PHF3: variants seen among roughly 807,000 people sequenced by gnomAD.
PHF3 encodes the protein PHD finger protein 3.
Under a neutral mutation model 178.4 loss-of-function variants are expected in PHF3, and 41 were observed. That is an observed-to-expected ratio of 0.23 (90% CI 0.18 to 0.30). PHF3 has a LOEUF of 0.30. Among genes scored for constraint, PHF3 ranks in the 10% least tolerant of loss-of-function variants. PHF3 has a pLI of 1.00. For missense variants in PHF3, 2,346 were observed against 2,398.1 expected (o/e 0.98, Z 0.45); for synonymous variants, 842 against 800.5 (o/e 1.05, Z -0.88).
intron 6 of PHF3, among the ~76,000 whole-genome samples, chr6:63,696,664 G>T (rs867453440): frequency 1.1e-4 from 16 of 152,192 alleles, no homozygotes; most frequent in African/African-American, 3.9e-4. Flanking sequence ...TACAGCAAAG[G>T]AAACTAATGG....
chr6:63,707,464 A>T (rs2149607644), intron 13 of PHF3, among the ~76,000 whole-genome samples: 1 of 152,350 alleles, frequency 6.6e-6, no homozygotes, highest in South Asian at 2.1e-4. Flanking sequence ...ATTTATGGAA[A>T]ATAAGCAGCA....
At chr6:63,706,923 G>T (rs1767719568) in intron 13 of PHF3, 47 bp downstream of exon 13, 8 of 1,528,042 alleles carry the variant, frequency 5.2e-6, no homozygotes, top group Non-Finnish European at 7.2e-6. Context: ...GATAATGTGT[G>T]TTTCTGAAAG....
intron 2 of PHF3, among the ~76,000 whole-genome samples, chr6:63,668,149 C>T (rs1006076933): frequency 1.3e-5 from 2 of 152,144 alleles, no homozygotes; most frequent in Non-Finnish European, 2.9e-5. Flanking sequence ...TTATTTGCTG[C>T]ATTCTGGTAA....
intron 2 of PHF3, among the ~76,000 whole-genome samples, chr6:63,652,131 G>A (rs1405529697): frequency 6.6e-6 from 1 of 152,068 alleles, no homozygotes; most frequent in Non-Finnish European, 1.5e-5. Flanking sequence ...TTTCCATAAT[G>A]ACAGTACTGA....
chr6:63,667,294 T>A (rs1184619457), intron 2 of PHF3, among the ~76,000 whole-genome samples: 1 of 152,204 alleles, frequency 6.6e-6, no homozygotes. Context: ...TTTAGATACC[T>A]GGTTAAGGAT....
At chr6:63,662,085 G>A (rs1765493128) in intron 2 of PHF3, among the ~76,000 whole-genome samples, 1 of 152,246 alleles carries the variant, frequency 6.6e-6, no homozygotes, top group East Asian at 1.9e-4. Context: ...GCATGTGAGG[G>A]ATCTAGGTTG....
In PHF3 at chr6:63,646,599, A is replaced by C; in HGVS notation, c.48A>C (p.Leu16Phe). The part of the protein sequence containing the change: ...TFNHLIPTEH[L>F]DDALFLGSNL... ...ATCATTTAATTCCTACTGAACACTT[A>C]GATGATGCCCTATTTCTAGGATCCA... The change falls in exon 2 of 16, where the codon TTA (leucine) becomes TTC (phenylalanine). Residue 16 changes from leucine to phenylalanine, a missense_variant. By Grantham distance (22) the Leu-to-Phe change is conservative. Coordinates refer to ENST00000262043, the MANE Select transcript of PHF3 (RefSeq NM_001370348.2). The C allele has an allele frequency of 6.2e-7, 1 of 1,613,320 alleles. No homozygotes were observed.
Position 63,711,241 on chromosome 6 carries a change from C to A in PHF3, c.3876C>A (p.Phe1292Leu), listed in dbSNP as rs1213693196. ...QISYTLLFAY[F>L]SSRKRYGVAA... is the part of the protein sequence containing the mutation. ...CTTATACTTTGCTCTTTGCATACTT[C>A]AGTAGCAGAAAGCGCTATGGAGTAG... is the stretch of plus-strand genomic sequence containing the variant. Residue 1292 changes from phenylalanine (F) to leucine (L), a missense_variant, in exon 15 of 16, where the codon TTC (phenylalanine) becomes TTA (leucine). By Grantham distance (22) the Phe-to-Leu change is conservative (BLOSUM62 0). Transcript: ENST00000262043. 1 of 1,613,210 alleles carries A rather than the reference C, an allele frequency of 6.2e-7. No homozygotes were observed. The highest frequency in any genetic ancestry group is 8.5e-7 in the Non-Finnish European group (1 of 1,179,446).
chr6:63,693,764 T>G (rs1360194307), intron 5 of PHF3, among the ~76,000 whole-genome samples: 1 of 152,230 alleles, frequency 6.6e-6, no homozygotes, highest in Non-Finnish European at 1.5e-5. Flanking sequence ...CTTTTTGATG[T>G]GAACTGTTGA....
chr6:63,698,296 T>C lies in PHF3; in HGVS notation c.2754T>C (p.Ser918=). 6.2e-7 allele frequency: 1 copy of C among 1,613,254 alleles called. No homozygotes were observed. The highest frequency in any genetic ancestry group is 8.5e-7 in the Non-Finnish European group (1 of 1,179,372). ...TGCTTAATGTACATCCTGCTGCTTC[T>C]GCTTCCAAGCCTTCTGCAGATCAGA... The part of the protein sequence containing the change: ...KGVLNVHPAA[S]ASKPSADQIR... The change falls in exon 7 of 16, where the codon TCT becomes TCC. Residue 918 remains serine, a synonymous_variant. Transcript: ENST00000262043.
At chr6:63,708,768 AG>A (rs1356712342) in intron 13 of PHF3, among the ~76,000 whole-genome samples, 1 of 152,220 alleles carries the variant, frequency 6.6e-6, no homozygotes, top group African/African-American at 2.4e-5. Context: ...TTAATTATTA[AG>A]GAATTTTCCT....
intron 13 of PHF3, among the ~76,000 whole-genome samples, chr6:63,707,700 G>T (rs1767751602): frequency 1.3e-5 from 2 of 148,400 alleles, no homozygotes; most frequent in African/African-American, 2.5e-5. Flanking sequence ...TTTATTATTT[G>T]AAAAAGCCTA....
chr6:63,711,791 T>A lies in PHF3; in HGVS notation c.4203T>A (p.Ser1401=), dbSNP rs62001889. 1,825 of 1,613,318 alleles carry A rather than the reference T, an allele frequency of 1.1e-3. 8 individuals carry two copies. In the Middle Eastern group the frequency reaches 0.014, roughly 12 times the overall value. ...APEEENDFFN[S]FTTVLHKQRN... is the part of the protein sequence containing the mutation. ...AGGAAGAAAATGACTTTTTTAATTC[T>A]TTTACAACTGTATTACACAAGCAGA... is the stretch of plus-strand genomic sequence containing the variant. Residue 1401 remains serine, a synonymous_variant, in exon 16 of 16, where the codon TCT becomes TCA. Transcript: ENST00000262043.
At chr6:63,651,721 C>T (rs1456585161) in intron 2 of PHF3, among the ~76,000 whole-genome samples, 4 of 152,266 alleles carry the variant, frequency 2.6e-5, no homozygotes, top group Middle Eastern at 3.4e-3. Flanking sequence ...CCTTCCCCTT[C>T]CCCAACTCTG....
At position 63,722,561 on chromosome 6, in the gene PHF3, G is replaced by T. The variant is rs1768442035; in HGVS notation, c.*8853G>T. Among the ~76,000 whole-genome samples, 1 of 152,138 alleles carries T rather than the reference G, an allele frequency of 6.6e-6. No homozygotes were observed. The highest frequency in any genetic ancestry group is 6.6e-5 in the Admixed American group (1 of 15,250). Reference sequence around the variant, plus strand: ...AAAGTAAAGGCAATTCTGCAAGCTTGGAAAAAGCATGTTCTTCACTGTAAG... The same window carrying T: ...AAAGTAAAGGCAATTCTGCAAGCTTTGAAAAAGCATGTTCTTCACTGTAAG... On this transcript the variant is annotated 3_prime_UTR_variant, in exon 16 of 16. Transcript: ENST00000262043.
chr6:63,717,639 A>T lies in PHF3; in HGVS notation c.*3931A>T, dbSNP rs1038423153. On this transcript the variant is annotated 3_prime_UTR_variant, in exon 16 of 16. Coordinates refer to ENST00000262043, the MANE Select transcript of PHF3 (RefSeq NM_001370348.2). ...TTCATCTTATAGATAGATGCAGAGC[A>T]GAGTCATTGAGGGAAATAGCCTAAG... is the stretch of plus-strand genomic sequence containing the variant. Among the ~76,000 whole-genome samples the T allele has an allele frequency of 3.3e-5, 5 of 152,076 alleles. No individual in the cohort carries two copies. The highest frequency in any genetic ancestry group is 4.8e-5 in the African/African-American group (2 of 41,438).
In PHF3 at chr6:63,713,392, A is replaced by G. The variant is rs561455272; in HGVS notation, c.5804A>G (p.His1935Arg). The change falls in exon 16 of 16, where the codon CAT becomes CGT. Residue 1935 changes from histidine (H) to arginine (R), a missense_variant. Coordinates refer to ENST00000262043, the MANE Select transcript of PHF3 (RefSeq NM_001370348.2). ...TCACACCATTTGAAAAGAGAGCGAC[A>G]TGAAAAGGAATGGGAGCAAGAATCT... ...SDSHHLKRER[H>R]EKEWEQESER... The G allele has an allele frequency of 3.7e-6, 6 of 1,614,082 alleles. No individual in the cohort carries two copies. The highest frequency in any genetic ancestry group is 1.1e-5 in the South Asian group (1 of 91,082).
intron 2 of PHF3, among the ~76,000 whole-genome samples, chr6:63,658,452 A>C (rs1475192746): frequency 2.6e-5 from 4 of 152,188 alleles, no homozygotes; most frequent in Admixed American, 1.3e-4. Context: ...AAAGTCTGCC[A>C]TATTGAACCA....
chr6:63,706,119 A>T lies in PHF3; in HGVS notation c.3458A>T (p.Glu1153Val), dbSNP rs772793447. Residue 1153 changes from glutamate (E) to valine (V), a missense_variant, in exon 12 of 16, where the codon GAA becomes GTA. Transcript: ENST00000262043. ...VARKHSDNEAESIADALSSTS... is the reference protein window; with the variant it reads ...VARKHSDNEAVSIADALSSTS... ...CGCAAACATTCAGACAATGAAGCAG[A>T]AAGTATAGCAGATGCATTATCTTCA... The T allele has an allele frequency of 1.2e-6, 2 of 1,613,988 alleles. No individual in the cohort carries two copies. Among genetic ancestry groups the T allele is most frequent in the Non-Finnish European group, 1.7e-6 (2 of 1,179,916 alleles).
Sources: allele counts gnomAD v4.1 joint callset (sites outside exome capture counted in the v4.1 genomes callset), GRCh38; gene constraint gnomAD v4.1.1; transcripts MANE v1.5; gene names NCBI Gene and HGNC (gene_info 2026-07-23, HGNC 2026-07-21).